Variants in CFAP58 observed in about 807,000 individuals in gnomAD.
CFAP58 encodes cilia- and flagella-associated protein 58.
Under a neutral mutation model 119.5 loss-of-function variants are expected in CFAP58, and 88 were observed. That is an observed-to-expected ratio of 0.74 (90% CI 0.62 to 0.88). The LOEUF (loss-of-function observed/expected upper bound fraction) is 0.88. CFAP58 is among the 40% of genes least tolerant of loss of function. CFAP58 has a pLI of 0.00. For missense variants in CFAP58, 990 were observed against 1,021.2 expected (o/e 0.97, Z 0.42); for synonymous variants, 365 against 366.3 (o/e 1.00, Z 0.04).
chr10:104,436,215 A>G (rs1423664867), intron 15 of CFAP58, among the ~76,000 whole-genome samples: 1 of 152,200 alleles, frequency 6.6e-6, no homozygotes, highest in Non-Finnish European at 1.5e-5. Flanking sequence ...AATCTTTGAA[A>G]TGTTCTGTTT....
chr10:104,399,217 C>A (rs537060108), intron 11 of CFAP58, 143 bp from the exon 12 acceptor site: 2 of 706,384 alleles, frequency 2.8e-6, no homozygotes, highest in Admixed American at 3.0e-5. Context: ...GCTTGTTTTG[C>A]TTGTGAGAGT....
At chr10:104,407,492 T>C (rs920818400) in intron 15 of CFAP58, among the ~76,000 whole-genome samples, 1 of 152,180 alleles carries the variant, frequency 6.6e-6, no homozygotes, top group Non-Finnish European at 1.5e-5. Context: ...TGAAGTTAGA[T>C]GGCTTGGTTT....
chr10:104,358,585 C>G lies in CFAP58; in HGVS notation c.254C>G (p.Ser85Cys), dbSNP rs770695253. Reference sequence around the variant, plus strand: ...AAGGTCGCCACTGCCCTTAAGCTCTCTCAGGATGATCAGACCACCATTGCA... The same window carrying G: ...AAGGTCGCCACTGCCCTTAAGCTCTGTCAGGATGATCAGACCACCATTGCA... ...SAKVATALKL[S>C]QDDQTTIASL... The change falls in exon 2 of 18, where the codon TCT (serine) becomes TGT (cysteine). Residue 85 changes from serine (S) to cysteine (C), a missense_variant. Physicochemically the swap from Ser to Cys is moderately radical, Grantham distance 112 (BLOSUM62 -1). Coordinates refer to ENST00000369704, the MANE Select transcript of CFAP58 (RefSeq NM_001008723.2). The G allele has an allele frequency of 6.2e-7, 1 of 1,614,010 alleles. No individual in the cohort carries two copies. The highest frequency in any genetic ancestry group is 8.5e-7 in the Non-Finnish European group (1 of 1,179,944).
intron 15 of CFAP58, among the ~76,000 whole-genome samples, chr10:104,445,991 A>G (rs1218198279): frequency 6.6e-6 from 1 of 152,208 alleles, no homozygotes; most frequent in African/African-American, 2.4e-5. Flanking sequence ...TTCCTTTGCA[A>G]GTCTATCTGT....
At chr10:104,354,332 C>T (rs2135237995) in intron 1 of CFAP58, among the ~76,000 whole-genome samples, 1 of 152,138 alleles carries the variant, frequency 6.6e-6, no homozygotes, top group East Asian at 1.9e-4. Context: ...CCTTGTCCAC[C>T]TGTCACACCC....
chr10:104,385,039 G>A (rs763471109), intron 9 of CFAP58, among the ~76,000 whole-genome samples: 1 of 152,124 alleles, frequency 6.6e-6, no homozygotes. Flanking sequence ...TCAAACCTCC[G>A]GTGGCAAATC....
chr10:104,349,242 C>T (rs769754235), upstream of CFAP58, among the ~76,000 whole-genome samples: 1 of 152,016 alleles, frequency 6.6e-6, no homozygotes, highest in African/African-American at 2.4e-5. Context: ...AGTGAGATTC[C>T]GTCTCAAACG....
In CFAP58 at chr10:104,364,779, G is replaced by A; in HGVS notation, c.487G>A (p.Asp163Asn). The A allele has an allele frequency of 6.2e-7, 1 of 1,612,878 alleles. No homozygotes were observed. Residue 163 changes from aspartate to asparagine, a missense_variant, in exon 4 of 18, where the codon GAC becomes AAC. Transcript: ENST00000369704. ...CAAAGAAGAAGTGACAAAGGAGAGA[G>A]ACCAGCTCTTATCAGAAGTGGTAAA... is the stretch of plus-strand genomic sequence containing the variant. ...RFKEEVTKERDQLLSEVVKLR... is the reference protein window; with the variant it reads ...RFKEEVTKERNQLLSEVVKLR...
chr10:104,406,549 T>A, intron 14 of CFAP58, 140 bp from the exon 15 acceptor site: 1 of 616,704 alleles, frequency 1.6e-6, no homozygotes, highest in Non-Finnish European at 2.8e-6. Flanking sequence ...TATTATACTT[T>A]ATTTTTGGTT....
chr10:104,366,343 G>A (rs1178001571), intron 5 of CFAP58, among the ~76,000 whole-genome samples: 2 of 152,102 alleles, frequency 1.3e-5, no homozygotes, highest in Non-Finnish European at 2.9e-5. Flanking sequence ...CCTGCTCCCA[G>A]CCAGAGAAAC....
chr10:104,343,380 G>T, the CFAP58 span, among the ~76,000 whole-genome samples: 2 of 152,300 alleles, frequency 1.3e-5, no homozygotes, highest in Admixed American at 6.5e-5. Context: ...AGGTCACATT[G>T]CTGGTTAGTG....
chr10:104,389,690 CTTCT>C (rs901479766), intron 9 of CFAP58, among the ~76,000 whole-genome samples: 5 of 152,154 alleles, frequency 3.3e-5, no homozygotes, highest in African/African-American at 1.2e-4. Context: ...GTGTCTTATT[CTTCT>C]TTCTATCATG....
At chr10:104,400,501 A>G (rs2012241293) in intron 12 of CFAP58, among the ~76,000 whole-genome samples, 179 bp from the exon 13 acceptor site, 1 of 152,152 alleles carries the variant, frequency 6.6e-6, no homozygotes, top group Non-Finnish European at 1.5e-5. Context: ...GTGTTTTCAA[A>G]AACTCTAATG....
intron 1 of CFAP58, among the ~76,000 whole-genome samples, chr10:104,357,884 TATATAA>T (rs2014581822): frequency 6.7e-5 from 8 of 119,728 alleles, no homozygotes; most frequent in Middle Eastern, 4.9e-3. Flanking sequence ...TATGTACACA[TATATAA>T]ACATATATGT....
chr10:104,375,981 C>T (rs1196596646), intron 7 of CFAP58, among the ~76,000 whole-genome samples: 1 of 152,010 alleles, frequency 6.6e-6, no homozygotes, highest in Non-Finnish European at 1.5e-5. Flanking sequence ...TAAAATGTTT[C>T]TTATTGGACC....
chr10:104,355,585 C>A (rs2014533405), intron 1 of CFAP58, among the ~76,000 whole-genome samples: 1 of 152,190 alleles, frequency 6.6e-6, no homozygotes, highest in Non-Finnish European at 1.5e-5. Context: ...TTTTCCTTCT[C>A]CCCACTAATT....
chr10:104,393,344 A>C lies in CFAP58; in HGVS notation c.1543A>C (p.Met515Leu). Residue 515 changes from methionine to leucine, a missense_variant, in exon 11 of 18, where the codon ATG (methionine) becomes CTG (leucine). Coordinates refer to ENST00000369704, the MANE Select transcript of CFAP58 (RefSeq NM_001008723.2). ...LVEAQDEITD[M>L]KRKLKIMIHQ... ...ATTTGGTTAGGATGAAATAACAGATATGAAGAGAAAGTTAAAGATTATGAT... is the reference window on the plus strand; with the variant it reads ...ATTTGGTTAGGATGAAATAACAGATCTGAAGAGAAAGTTAAAGATTATGAT... The C allele has an allele frequency of 6.2e-7, 1 of 1,613,648 alleles. No individual in the cohort carries two copies. The highest frequency in any genetic ancestry group is 8.5e-7 in the Non-Finnish European group (1 of 1,179,630).
intron 15 of CFAP58, among the ~76,000 whole-genome samples, chr10:104,428,796 C>T (rs921112139): frequency 2.6e-5 from 4 of 152,078 alleles, no homozygotes; most frequent in East Asian, 1.9e-4. Context: ...GACAGGAAGG[C>T]GGAGAGAGTT....
chr10:104,427,106 TTGAC>T (rs1211581341), intron 15 of CFAP58, among the ~76,000 whole-genome samples: 5 of 152,134 alleles, frequency 3.3e-5, no homozygotes, highest in Non-Finnish European at 5.9e-5. Context: ...CAAGAGAAAA[TTGAC>T]TGGCTTTGTT....
Sources: allele counts gnomAD v4.1 joint callset (sites outside exome capture counted in the v4.1 genomes callset), GRCh38; gene constraint gnomAD v4.1.1; transcripts MANE v1.5; gene names NCBI Gene and HGNC (gene_info 2026-07-23, HGNC 2026-07-21).